The following DNAJC7 variants were observed in gnomAD, a reference collection of about 807,000 sequenced individuals.
DNAJC7 encodes DnaJ heat shock protein family (Hsp40) member C7.
DNAJC7 carries 18 observed loss-of-function variants against 67.4 expected under a neutral mutation model. The observed-to-expected ratio is 0.27, with a 90% CI of 0.18 to 0.40. The LOEUF (loss-of-function observed/expected upper bound fraction) is 0.40, where lower values mean the gene tolerates loss of function less well. DNAJC7 is among the 10% of genes least tolerant of loss of function. DNAJC7 has a pLI of 1.00. For missense variants in DNAJC7, 419 were observed against 613.8 expected, an observed-to-expected ratio of 0.68 and a Z score of 3.35; for synonymous variants, 220 against 207.8, an observed-to-expected ratio of 1.06 and a Z score of -0.50.
chr17:42,007,522 GA>G (rs1158947588), intron 1 of DNAJC7, among the ~76,000 whole-genome samples: 6 of 152,060 alleles, frequency 3.9e-5, no homozygotes, highest in African/African-American at 1.4e-4. Context: ...TCTTCTTTAA[GA>G]AAAAAATTTC....
At chr17:42,017,038 A>C in intron 1 of DNAJC7, 1 of 1,336,136 alleles carries the variant, frequency 7.5e-7, no homozygotes, top group East Asian at 3.3e-5. Context: ...CGCTTCCCCC[A>C]CCTCGCACCA....
chr17:41,988,380 A>G (rs2051434402), intron 8 of DNAJC7, among the ~76,000 whole-genome samples: 1 of 152,204 alleles, frequency 6.6e-6, no homozygotes, highest in Admixed American at 6.5e-5. Flanking sequence ...AGCTTGCCTC[A>G]TACTCTTCCT....
At chr17:41,982,082 T>C in intron 11 of DNAJC7, 75 bp from the exon 12 acceptor site, 1 of 1,581,868 alleles carries the variant, frequency 6.3e-7, no homozygotes, top group Non-Finnish European at 8.6e-7. Context: ...GAAAAACTAC[T>C]TTCTGTCTAA....
chr17:41,981,687 A>G (rs2051256337), intron 12 of DNAJC7, 168 bp downstream of exon 12: 2 of 925,482 alleles, frequency 2.2e-6, no homozygotes, highest in Non-Finnish European at 3.2e-6. Flanking sequence ...CTCACTGCAC[A>G]CTGTGAACCT....
intron 6 of DNAJC7, 68 bp downstream of exon 6, chr17:41,990,196 G>A (rs2051478067): frequency 6.9e-7 from 1 of 1,447,416 alleles, no homozygotes; most frequent in Non-Finnish European, 9.5e-7. Context: ...ATCCTGTGGT[G>A]AAGCTGCCGG....
intron 1 of DNAJC7, chr17:42,016,913 T>G: frequency 5.6e-6 from 6 of 1,071,114 alleles, no homozygotes; most frequent in Non-Finnish European, 6.9e-6. Context: ...GAAAACGGGG[T>G]GAGGAGAGCA....
At chr17:41,996,996 C>T (rs529783438) in intron 3 of DNAJC7, 119 bp downstream of exon 3, 6 of 1,498,184 alleles carry the variant, frequency 4.0e-6, no homozygotes, top group Admixed American at 3.9e-5. Flanking sequence ...GTAAAGTCCC[C>T]CACAACAAAG....
chr17:41,976,953 G>A, intron 13 of DNAJC7, 183 bp from the exon 14 acceptor site: 1 of 704,430 alleles, frequency 1.4e-6, no homozygotes, highest in East Asian at 2.7e-5. Context: ...TATTATACAT[G>A]GGTAGCTTCT....
At chr17:42,004,709 A>G (rs1264052002) in intron 1 of DNAJC7, among the ~76,000 whole-genome samples, 3 of 152,186 alleles carry the variant, frequency 2.0e-5, no homozygotes, top group Non-Finnish European at 4.4e-5. Flanking sequence ...GCTATTTTAA[A>G]ATGTATTTCT....
chr17:41,997,300 T>TA (rs782470888), intron 2 of DNAJC7, 61 bp from the exon 3 acceptor site: 18 of 1,568,534 alleles, frequency 1.1e-5, no homozygotes, highest in African/African-American at 4.1e-5. Flanking sequence ...TTTGAAAACT[T>TA]AGAGGGGGCT....
intron 10 of DNAJC7, among the ~76,000 whole-genome samples, chr17:41,982,680 G>A (rs1046850025): frequency 1.3e-5 from 2 of 152,158 alleles, no homozygotes; most frequent in Non-Finnish European, 2.9e-5. Flanking sequence ...TCGGTAGCAC[G>A]AAAGAAAGGA....
chr17:42,016,572 T>C (rs1330742079), intron 1 of DNAJC7: 2 of 152,510 alleles, frequency 1.3e-5, no homozygotes, highest in South Asian at 4.1e-4. Flanking sequence ...TAGAGCGTTC[T>C]CGAAAACCAC....
rs781956866 is a variant in DNAJC7, at chr17:41,976,775, AAG to A, written c.1448-7_1448-6del. 310 of 1,610,920 alleles carry A rather than the reference AAG, an allele frequency of 1.9e-4. No homozygotes were observed. The highest frequency in any genetic ancestry group is 2.3e-4 in the Non-Finnish European group (272 of 1,179,372). ...AGAAATTCCCTGGACCAGATGCTGAAAGAGAAAAGAGGGGTTGGTAGTTGGCT... is the reference window on the plus strand; with the variant it reads ...AGAAATTCCCTGGACCAGATGCTGAAAGAAAAGAGGGGTTGGTAGTTGGCT... On this transcript the variant is annotated splice_polypyrimidine_tract_variant and splice_region_variant and intron_variant, in intron 13 of 13. Transcript: ENST00000457167.
chr17:41,998,577 TGATTATCTTTTGAGGA>T (rs1555649000), intron 2 of DNAJC7, among the ~76,000 whole-genome samples: 1 of 152,166 alleles, frequency 6.6e-6, no homozygotes, highest in African/African-American at 2.4e-5. Flanking sequence ...TGAAGTGTAG[TGATTATCTTTTGAGGA>T]GAGAGGCAGC....
At chr17:41,982,456 C>G in intron 10 of DNAJC7, 55 bp from the exon 11 acceptor site, 1 of 1,598,220 alleles carries the variant, frequency 6.3e-7, no homozygotes, top group Non-Finnish European at 8.5e-7. Flanking sequence ...TTTTTCCTCA[C>G]CAGGTCTCAG....
Position 41,976,767 on chromosome 17 carries a change from G to A in DNAJC7, c.1451C>T (p.Ser484Phe). 1.2e-6 allele frequency: 2 copies of A among 1,611,022 alleles called. No individual in the cohort carries two copies. Residue 484 changes from serine to phenylalanine, a missense_variant, in exon 14 of 14, where the codon TCT becomes TTT. By Grantham distance (155) the Ser-to-Phe change is radical. Transcript: ENST00000457167. ...GGPGGFSFEA[S>F]GPGNFFFQFG ...TTGAAAAAAGAAATTCCCTGGACCA[G>A]ATGCTGAAAGAGAAAAGAGGGGTTG...
intron 12 of DNAJC7, among the ~76,000 whole-genome samples, chr17:41,979,744 C>T (rs1321796718): frequency 6.7e-6 from 1 of 150,012 alleles, no homozygotes; most frequent in Non-Finnish European, 1.5e-5. Context: ...GGGTGGATCA[C>T]GAAGTCAGGA....
chr17:41,989,054 G>A (rs2051449115), intron 7 of DNAJC7, among the ~76,000 whole-genome samples, 158 bp from the exon 8 acceptor site: 1 of 152,168 alleles, frequency 6.6e-6, no homozygotes, highest in Non-Finnish European at 1.5e-5. Context: ...GCTCATTTGA[G>A]CTTCCTACAG....
rs546661752 is a variant in DNAJC7, at chr17:41,982,515, T to C, written c.1085-114A>G. On this transcript the variant is annotated intron_variant, in intron 10 of 13. Transcript: ENST00000457167. ...CCTTGTTAACCATGCCAGGGACTTT[T>C]ACGGTGCTTTCTTCTGGAGATTAGA... 3.0e-6 allele frequency: 4 copies of C among 1,353,930 alleles called. No individual in the cohort carries two copies. In the African/African-American group the frequency reaches 5.8e-5, roughly 20 times the overall value. The allele number at this position is 1,353,930 out of a possible 1,614,324, so 83.9% of individuals were successfully genotyped here.
Sources: gnomAD v4.1 joint callset for allele counts (sites outside exome capture counted in the v4.1 genomes callset) on GRCh38, gnomAD v4.1.1 for gene constraint, MANE v1.5 for transcripts, NCBI Gene and HGNC (gene_info 2026-07-23, HGNC 2026-07-21) for gene names.